The following LRGUK variants were observed in gnomAD, a reference collection of about 807,000 sequenced individuals.
LRGUK encodes the protein leucine rich repeats and guanylate kinase domain containing.
Under a neutral mutation model 76.0 loss-of-function variants are expected in LRGUK, and 65 were observed. The observed-to-expected ratio is 0.85, with a 90% CI of 0.70 to 1.05. The LOEUF (loss-of-function observed/expected upper bound fraction) is 1.05. Among genes scored for constraint, LRGUK ranks in the 50% least tolerant of loss-of-function variants. The pLI is 0.00. For synonymous variants in LRGUK, 268 were observed against 265.6 expected, an observed-to-expected ratio of 1.01 and a Z score of -0.09; for missense variants, 758 against 732.8, an observed-to-expected ratio of 1.03 and a Z score of -0.40.
At chr7:134,140,256 C>T (rs1006079684) in intron 3 of LRGUK, among the ~76,000 whole-genome samples, 2 of 152,182 alleles carry the variant, frequency 1.3e-5, no homozygotes, top group Non-Finnish European at 2.9e-5. Flanking sequence ...AGGTGTGAGC[C>T]ACTGTGCCCG....
chr7:134,226,625 G>A (rs17167648), intron 16 of LRGUK, among the ~76,000 whole-genome samples: 12,305 of 152,126 alleles, frequency 0.081, 951 homozygotes, highest in East Asian at 0.4. Context: ...AGAAAAATGC[G>A]CTAACTTTTG....
chr7:134,264,538 G>A (rs1425610844), exon 20 of LRGUK: 1 of 152,120 alleles, frequency 6.6e-6, no homozygotes. Context: ...TAATTTTGGG[G>A]GGTTCTTGAC....
At chr7:134,263,593 C>A (rs1802793730) in intron 19 of LRGUK, among the ~76,000 whole-genome samples, 2 of 149,076 alleles carry the variant, frequency 1.3e-5, no homozygotes, top group South Asian at 2.2e-4. Context: ...ACCTCATCCA[C>A]TATTATTCTT....
chr7:134,196,062 T>C (rs1800472499), intron 12 of LRGUK, among the ~76,000 whole-genome samples: 1 of 152,142 alleles, frequency 6.6e-6, no homozygotes, highest in African/African-American at 2.4e-5. Context: ...ACTGCTGCTG[T>C]TCTTAATGCT....
intron 15 of LRGUK, among the ~76,000 whole-genome samples, chr7:134,206,090 A>T (rs1016841283): frequency 6.6e-6 from 1 of 152,252 alleles, no homozygotes; most frequent in Non-Finnish European, 1.5e-5. Flanking sequence ...AGCATCTTTC[A>T]GCCTGGACCC....
chr7:134,192,383 T>G (rs1239755542), intron 12 of LRGUK, among the ~76,000 whole-genome samples: 1 of 152,218 alleles, frequency 6.6e-6, no homozygotes. Context: ...CTTTGAGGAC[T>G]ATGTTTTTAC....
chr7:134,199,507 A>G (rs1222956508), intron 14 of LRGUK, 86 bp downstream of exon 14: 1 of 1,218,990 alleles, frequency 8.2e-7, no homozygotes, highest in African/African-American at 1.5e-5. Context: ...ATTCTTGGGT[A>G]AAAGCTATTT....
intron 12 of LRGUK, among the ~76,000 whole-genome samples, chr7:134,192,444 A>C (rs1800296109): frequency 6.6e-6 from 1 of 152,212 alleles, no homozygotes; most frequent in African/African-American, 2.4e-5. Context: ...CACTCAGAAC[A>C]ATCTTGTTTA....
At chr7:134,149,497 T>C (rs1463747241) in intron 5 of LRGUK, among the ~76,000 whole-genome samples, 1 of 152,174 alleles carries the variant, frequency 6.6e-6, no homozygotes, top group Non-Finnish European at 1.5e-5. Context: ...AGATGTATCT[T>C]GTAAAAGAAA....
At chr7:134,225,625 G>A (rs1397317061) in intron 16 of LRGUK, among the ~76,000 whole-genome samples, 1 of 152,042 alleles carries the variant, frequency 6.6e-6, no homozygotes, top group African/African-American at 2.4e-5. Flanking sequence ...AAGAAATTAG[G>A]GCAAATATAA....
At chr7:134,183,057 C>T (rs189853611) in intron 10 of LRGUK, among the ~76,000 whole-genome samples, 2 of 152,320 alleles carry the variant, frequency 1.3e-5, no homozygotes, top group East Asian at 1.9e-4. Context: ...CGCCCGGCTG[C>T]GGGAGATTTT....
intron 1 of LRGUK, among the ~76,000 whole-genome samples, chr7:134,129,696 A>G (rs940921509): frequency 6.6e-6 from 1 of 150,982 alleles, no homozygotes; most frequent in African/African-American, 2.4e-5. Context: ...GCTGGTCTTG[A>G]TCTCCTGGGC....
chr7:134,198,437 G>A (rs1409028679), intron 13 of LRGUK, among the ~76,000 whole-genome samples: 1 of 152,132 alleles, frequency 6.6e-6, no homozygotes, highest in East Asian at 1.9e-4. Flanking sequence ...GACTGCCCTG[G>A]TCATTGACTG....
chr7:134,178,731 CTCTG>C, intron 10 of LRGUK, 122 bp downstream of exon 10: 1 of 598,826 alleles, frequency 1.7e-6, no homozygotes, highest in Non-Finnish European at 2.8e-6. Flanking sequence ...TTTTCCCTTT[CTCTG>C]AGGGAAGGGG....
intron 18 of LRGUK, among the ~76,000 whole-genome samples, chr7:134,251,013 A>C (rs1036082877): frequency 1.3e-5 from 2 of 152,216 alleles, no homozygotes; most frequent in Non-Finnish European, 2.9e-5. Context: ...GTTGAAAGAC[A>C]GAACTTGCTC....
rs534202758 is a variant in LRGUK at position 134,218,273 on chromosome 7, C to A, written c.1844-3506C>A. On this transcript the variant is annotated intron_variant, in intron 15 of 19. Transcript: ENST00000285928. Reference sequence around the variant, plus strand: ...TTGAGTGGGGAAAAAATAAGTGATTCTGAAGTTGTCTGTGCATCTCAGGAC... The same window carrying A: ...TTGAGTGGGGAAAAAATAAGTGATTATGAAGTTGTCTGTGCATCTCAGGAC... 3.3e-5 allele frequency among the ~76,000 whole-genome samples: 5 copies of A among 152,272 alleles called. No homozygotes were observed. The East Asian group carries it at 9.6e-4, about 29-fold the overall frequency.
chr7:134,151,949 T>C (rs1042798308), intron 5 of LRGUK, among the ~76,000 whole-genome samples: 1 of 152,050 alleles, frequency 6.6e-6, no homozygotes, highest in African/African-American at 2.4e-5. Flanking sequence ...ATTGGGTACA[T>C]GTTCTAAGCT....
At chr7:134,225,279 T>C (rs1405275356) in intron 16 of LRGUK, among the ~76,000 whole-genome samples, 1 of 152,026 alleles carries the variant, frequency 6.6e-6, no homozygotes, top group Non-Finnish European at 1.5e-5. Flanking sequence ...CTGGTGATGA[T>C]TGGTGGGGGA....
At chr7:134,154,975 T>C (rs1194902166) in intron 5 of LRGUK, among the ~76,000 whole-genome samples, 7 of 152,212 alleles carry the variant, frequency 4.6e-5, no homozygotes, top group Admixed American at 4.6e-4. Context: ...CCTTGCCTGC[T>C]TCCCATGAGA....
Sources: allele counts gnomAD v4.1 joint callset (sites outside exome capture counted in the v4.1 genomes callset), GRCh38; gene constraint gnomAD v4.1.1; transcripts MANE v1.5; gene names NCBI Gene and HGNC (gene_info 2026-07-23, HGNC 2026-07-21).